Variants in NLGN1 observed in about 807,000 individuals in gnomAD.
NLGN1 encodes the protein neuroligin-1.
Under a neutral mutation model 65.5 loss-of-function variants are expected in NLGN1, and 12 were observed. The observed-to-expected ratio is 0.18, with a 90% CI of 0.12 to 0.30. The LOEUF (loss-of-function observed/expected upper bound fraction) is 0.30, where lower values mean the gene tolerates loss of function less well. Among genes scored for constraint, NLGN1 ranks in the 10% least tolerant of loss-of-function variants. The pLI is 1.00. For missense variants in NLGN1, 750 were observed against 1,007.1 expected, an observed-to-expected ratio of 0.74 and a Z score of 3.46; for synonymous variants, 350 against 359.5, an observed-to-expected ratio of 0.97 and a Z score of 0.30.
chr3:173,926,928 T>C (rs1405930651), intron 4 of NLGN1, among the ~76,000 whole-genome samples: 1 of 152,214 alleles, frequency 6.6e-6, no homozygotes, highest in Non-Finnish European at 1.5e-5. Flanking sequence ...AGAGTGTAAC[T>C]GGAAAGCCAA....
chr3:174,264,969 G>A (rs1747743795), intron 4 of NLGN1, among the ~76,000 whole-genome samples: 1 of 152,120 alleles, frequency 6.6e-6, no homozygotes, highest in Non-Finnish European at 1.5e-5. Flanking sequence ...GCCCCTGCTG[G>A]GGGGTGCCTC....
intron 2 of NLGN1, among the ~76,000 whole-genome samples, chr3:173,483,861 C>T (rs894185460): frequency 6.6e-6 from 1 of 152,078 alleles, no homozygotes; most frequent in Non-Finnish European, 1.5e-5. Context: ...TCCTTTGAAC[C>T]ACATAAATGA....
chr3:173,845,943 G>T (rs1446732399), intron 4 of NLGN1, among the ~76,000 whole-genome samples: 2 of 151,912 alleles, frequency 1.3e-5, no homozygotes, highest in African/African-American at 4.8e-5. Flanking sequence ...CTCTAGGATG[G>T]TAATTTCCAT....
chr3:173,700,300 A>T (rs982067818), intron 3 of NLGN1, among the ~76,000 whole-genome samples: 1 of 152,212 alleles, frequency 6.6e-6, no homozygotes, highest in Non-Finnish European at 1.5e-5. Flanking sequence ...TTTGAAAGCA[A>T]TCAAAAGAGC....
At chr3:173,835,876 T>C (rs1319352610) in intron 4 of NLGN1, among the ~76,000 whole-genome samples, 1 of 152,102 alleles carries the variant, frequency 6.6e-6, no homozygotes, top group African/African-American at 2.4e-5. Flanking sequence ...ATTTGAAAAA[T>C]AATATCTTTA....
At chr3:173,792,847 T>C (rs1293246010) in intron 3 of NLGN1, among the ~76,000 whole-genome samples, 1 of 152,202 alleles carries the variant, frequency 6.6e-6, no homozygotes, top group African/African-American at 2.4e-5. Flanking sequence ...TTTAAATGAC[T>C]AGCTTCCATT....
rs1467159372 is a variant in NLGN1, at chr3:173,491,353, CAT to C, written c.-321+56276_-321+56277del. On this transcript the variant is annotated intron_variant, in intron 2 of 6. Transcript: ENST00000457714. ...CCTTTTCTGCATCTATTGAGATAAT[CAT>C]GTGGTTTTTGTCATTGGTTCTGTTT... is the stretch of plus-strand genomic sequence containing the variant. Among the ~76,000 whole-genome samples, 4 of 151,762 alleles carry C rather than the reference CAT, an allele frequency of 2.6e-5. No individual in the cohort carries two copies. In the South Asian group the frequency reaches 6.2e-4, roughly 24 times the overall value.
chr3:173,912,437 C>T (rs1392888029), intron 4 of NLGN1: 4 of 152,112 alleles, frequency 2.6e-5, no homozygotes, highest in African/African-American at 4.8e-5. Context: ...CTATGAGCTT[C>T]GAGTTTTCTC....
At chr3:174,120,331 T>G (rs1280808367) in intron 4 of NLGN1, among the ~76,000 whole-genome samples, 2 of 148,904 alleles carry the variant, frequency 1.3e-5, no homozygotes, top group Non-Finnish European at 3.0e-5. Context: ...ACTATAAATA[T>G]CTCTACTATA....
downstream of NLGN1, among the ~76,000 whole-genome samples, chr3:174,290,605 GT>G (rs1249712221): frequency 2.0e-5 from 3 of 151,048 alleles, no homozygotes; most frequent in South Asian, 2.1e-4. Context: ...CAGATAATGA[GT>G]TTTTTTAAAT....
intron 4 of NLGN1, among the ~76,000 whole-genome samples, chr3:173,972,276 A>C (rs1245036648): frequency 6.6e-6 from 1 of 152,066 alleles, no homozygotes; most frequent in African/African-American, 2.4e-5. Context: ...AGTTTTGATT[A>C]TTCTTTAGGG....
intron 4 of NLGN1, among the ~76,000 whole-genome samples, chr3:174,061,805 A>G (rs1737475604): frequency 6.6e-6 from 1 of 152,086 alleles, no homozygotes; most frequent in Non-Finnish European, 1.5e-5. Context: ...CTGGATCTCC[A>G]TTGAATATTC....
At chr3:174,117,786 T>G (rs1290178180) in intron 4 of NLGN1, among the ~76,000 whole-genome samples, 2 of 152,186 alleles carry the variant, frequency 1.3e-5, no homozygotes, top group Non-Finnish European at 2.9e-5. Flanking sequence ...AAAAGTTGAT[T>G]GATTTAACCA....
chr3:173,735,845 C>G (rs1043924849), intron 3 of NLGN1, among the ~76,000 whole-genome samples: 4 of 151,948 alleles, frequency 2.6e-5, no homozygotes, highest in African/African-American at 9.7e-5. Context: ...TTTAAAATAC[C>G]TTTTGCATAT....
chr3:173,724,861 G>A (rs1372646129), intron 3 of NLGN1, among the ~76,000 whole-genome samples: 1 of 152,138 alleles, frequency 6.6e-6, no homozygotes, highest in Non-Finnish European at 1.5e-5. Flanking sequence ...CCATAAAAAT[G>A]CATGAGTTCA....
At chr3:173,531,564 T>TACAAACACAC (rs1553877100) in intron 2 of NLGN1, among the ~76,000 whole-genome samples, 6 of 148,152 alleles carry the variant, frequency 4.0e-5, no homozygotes, top group Admixed American at 4.0e-4. Flanking sequence ...CTGTGTGAAA[T>TACAAACACAC]ACACACACAC....
intron 4 of NLGN1, among the ~76,000 whole-genome samples, chr3:173,989,889 C>T (rs1720737911): frequency 6.6e-6 from 1 of 152,076 alleles, no homozygotes; most frequent in African/African-American, 2.4e-5. Flanking sequence ...ACTCTCTTAT[C>T]AGAGCCATTT....
At chr3:174,143,890 T>G (rs368353043) in intron 4 of NLGN1, among the ~76,000 whole-genome samples, 1 of 152,168 alleles carries the variant, frequency 6.6e-6, no homozygotes, top group African/African-American at 2.4e-5. Context: ...CTTAGATGCT[T>G]TCTTGCATTC....
At chr3:173,682,606 A>G (rs1764101406) in intron 3 of NLGN1, among the ~76,000 whole-genome samples, 1 of 151,400 alleles carries the variant, frequency 6.6e-6, no homozygotes, top group African/African-American at 2.4e-5. Flanking sequence ...AAAAAAAAAA[A>G]AAAAAAAGGT....
Sources: gnomAD v4.1 joint callset for allele counts (sites outside exome capture counted in the v4.1 genomes callset) on GRCh38, gnomAD v4.1.1 for gene constraint, MANE v1.5 for transcripts, NCBI Gene and HGNC (gene_info 2026-07-23, HGNC 2026-07-21) for gene names.